ANKIB1: variants seen among roughly 807,000 people sequenced by gnomAD.
The protein encoded by ANKIB1 is ankyrin repeat and IBR domain containing 1, also known as ankyrin repeat and IBR domain-containing protein 1.
In ANKIB1, 43 loss-of-function variants were observed where a neutral mutation model predicts 122.1. The observed-to-expected ratio is 0.35, with a 90% CI of 0.28 to 0.45. The LOEUF (loss-of-function observed/expected upper bound fraction) is 0.45, where lower values mean the gene tolerates loss of function less well. ANKIB1 is among the 20% of genes least tolerant of loss of function. The pLI, the probability that ANKIB1 is intolerant of heterozygous loss-of-function variation, is 1.00. For synonymous variants in ANKIB1, 390 were observed against 442.0 expected, an observed-to-expected ratio of 0.88 and a Z score of 1.48; for missense variants, 992 against 1,329.5, an observed-to-expected ratio of 0.75 and a Z score of 3.95.
intron 1 of ANKIB1, among the ~76,000 whole-genome samples, chr7:92,265,768 C>T (rs1435349120): frequency 6.6e-6 from 1 of 152,058 alleles, no homozygotes; most frequent in Non-Finnish European, 1.5e-5. Flanking sequence ...CTGAGGGAGC[C>T]GGTGACAATG....
At chr7:92,388,506 T>C (rs1176156222) in intron 14 of ANKIB1, among the ~76,000 whole-genome samples, 1 of 152,208 alleles carries the variant, frequency 6.6e-6, no homozygotes, top group Non-Finnish European at 1.5e-5. Flanking sequence ...TGGTAAATAA[T>C]GAACATTGGG....
chr7:92,324,070 A>G (rs1802971501), intron 4 of ANKIB1, among the ~76,000 whole-genome samples: 1 of 152,224 alleles, frequency 6.6e-6, no homozygotes, highest in Admixed American at 6.5e-5. Context: ...GGCAGGGAAG[A>G]GAAGGAGTGA....
At chr7:92,249,246 T>G (rs1033837842) in intron 1 of ANKIB1, among the ~76,000 whole-genome samples, 1 of 152,218 alleles carries the variant, frequency 6.6e-6, no homozygotes, top group African/African-American at 2.4e-5. Flanking sequence ...ATCTACTGTG[T>G]GTGCCAAGCA....
chr7:92,375,533 G>T (rs921927298), intron 11 of ANKIB1, among the ~76,000 whole-genome samples: 1 of 152,156 alleles, frequency 6.6e-6, no homozygotes, highest in East Asian at 1.9e-4. Flanking sequence ...CCCAATTCAA[G>T]TTTTATCATG....
chr7:92,246,513 A>AC lies in ANKIB1; in HGVS notation c.-97_-96insC. ...ACCGACCCTTACCCTCAGCGAGAGA[A>AC]GTAACCGTAAGTCTCAGCTTCGCGG... On this transcript the variant is annotated 5_prime_UTR_variant, in exon 1 of 20. Transcript: ENST00000265742. 1.9e-6 allele frequency: 1 copy of AC among 518,402 alleles called. No individual in the cohort carries two copies. The highest frequency in any genetic ancestry group is 3.8e-6 in the Non-Finnish European group (1 of 259,808). 32.1% of individuals were successfully genotyped at this position (518,402 alleles called of 1,614,324 possible). A position where few individuals can be genotyped will look rare whatever the true frequency, so the allele number is the denominator to read the frequency against.
At chr7:92,391,689 T>C (rs1804788295) in intron 16 of ANKIB1, among the ~76,000 whole-genome samples, 1 of 152,164 alleles carries the variant, frequency 6.6e-6, no homozygotes, top group South Asian at 2.1e-4. Context: ...TCTTACGATG[T>C]AGAATTTGGA....
chr7:92,357,534 A>T (rs1009456546), intron 9 of ANKIB1, among the ~76,000 whole-genome samples: 2 of 152,100 alleles, frequency 1.3e-5, no homozygotes, highest in Non-Finnish European at 2.9e-5. Flanking sequence ...CAGGAATTCG[A>T]AACCAGCCTG....
At chr7:92,311,516 A>C (rs1419293052) in intron 3 of ANKIB1, among the ~76,000 whole-genome samples, 2 of 152,118 alleles carry the variant, frequency 1.3e-5, no homozygotes, top group East Asian at 3.8e-4. Flanking sequence ...TCTTGACTAC[A>C]TCTGTGGAAG....
intron 1 of ANKIB1, among the ~76,000 whole-genome samples, chr7:92,283,546 C>CTGTCT (rs1261117761): frequency 6.6e-6 from 1 of 152,122 alleles, no homozygotes; most frequent in African/African-American, 2.4e-5. Context: ...AGTATAAGGT[C>CTGTCT]TGTCTCCTGC....
At chr7:92,394,807 G>C (rs1367458405) in intron 17 of ANKIB1, among the ~76,000 whole-genome samples, 1 of 152,048 alleles carries the variant, frequency 6.6e-6, no homozygotes, top group Non-Finnish European at 1.5e-5. Flanking sequence ...CAGGGCACTT[G>C]GAGTATCTTT....
intron 1 of ANKIB1, among the ~76,000 whole-genome samples, chr7:92,291,437 C>T (rs1802244797): frequency 6.6e-6 from 1 of 152,064 alleles, no homozygotes; most frequent in African/African-American, 2.4e-5. Flanking sequence ...TAAATATATA[C>T]ACCTACTATG....
intron 17 of ANKIB1, among the ~76,000 whole-genome samples, chr7:92,394,140 T>C (rs898567117): frequency 1.3e-5 from 2 of 152,166 alleles, no homozygotes; most frequent in Non-Finnish European, 2.9e-5. Flanking sequence ...TCTTTCTTAA[T>C]TTCTCATCTT....
intron 5 of ANKIB1, among the ~76,000 whole-genome samples, chr7:92,337,607 A>G (rs1803315724): frequency 6.6e-6 from 1 of 152,096 alleles, no homozygotes; most frequent in African/African-American, 2.4e-5. Context: ...GTATATTTTG[A>G]CATTATAATA....
At chr7:92,369,424 A>G (rs542259860) in intron 10 of ANKIB1, among the ~76,000 whole-genome samples, 6 of 152,316 alleles carry the variant, frequency 3.9e-5, no homozygotes, top group African/African-American at 1.4e-4. Context: ...CCTTGCAGCA[A>G]GACAGCTCTA....
chr7:92,387,712 A>AT (rs1371266136), intron 12 of ANKIB1, 86 bp from the exon 13 acceptor site: 1 of 953,712 alleles, frequency 1.0e-6, no homozygotes, highest in African/African-American at 1.7e-5. Flanking sequence ...CCTATCACTA[A>AT]TAAAACTTTT....
At chr7:92,266,301 GAA>G (rs1801671160) in intron 1 of ANKIB1, among the ~76,000 whole-genome samples, 1 of 152,156 alleles carries the variant, frequency 6.6e-6, no homozygotes, top group Admixed American at 6.5e-5. Context: ...CAAAGTAATT[GAA>G]AAGGGAAAGT....
At chr7:92,356,499 C>T (rs375778700) in intron 9 of ANKIB1, among the ~76,000 whole-genome samples, 3 of 152,146 alleles carry the variant, frequency 2.0e-5, no homozygotes, top group African/African-American at 7.2e-5. Context: ...ATCATGTGTA[C>T]TCTCTGCAGA....
chr7:92,342,215 A>T (rs894235061), intron 5 of ANKIB1, among the ~76,000 whole-genome samples: 3 of 152,168 alleles, frequency 2.0e-5, no homozygotes, highest in Admixed American at 2.0e-4. Context: ...ATTGGTTTCA[A>T]ATCTCTGTGT....
intron 1 of ANKIB1, among the ~76,000 whole-genome samples, chr7:92,280,136 A>T (rs1291598963): frequency 6.6e-6 from 1 of 152,198 alleles, no homozygotes; most frequent in East Asian, 1.9e-4. Context: ...TTGTCCCATT[A>T]ACTGTTCTTC....
Sources: allele counts gnomAD v4.1 joint callset (sites outside exome capture counted in the v4.1 genomes callset), GRCh38; gene constraint gnomAD v4.1.1; transcripts MANE v1.5; gene names NCBI Gene and HGNC (gene_info 2026-07-23, HGNC 2026-07-21).